The following ABCA12 variants were observed in gnomAD, a reference collection of about 807,000 sequenced individuals.
ABCA12 encodes ATP binding cassette subfamily A member 12, also known as glucosylceramide transporter ABCA12.
A neutral mutation model predicts 293.5 loss-of-function variants in ABCA12; 156 were observed. The observed-to-expected ratio is 0.53, with a 90% CI of 0.47 to 0.61. The LOEUF (loss-of-function observed/expected upper bound fraction) is 0.61. Ranked by LOEUF, ABCA12 falls within the 20% of genes least tolerant of loss-of-function variation. ABCA12 has a pLI of 0.00. For missense variants in ABCA12, 2,797 were observed against 3,090.2 expected (o/e 0.91, Z 2.25); for synonymous variants, 1,063 against 1,108.0 (o/e 0.96, Z 0.81).
At chr2:215,072,967 C>A (rs1020449620) in intron 2 of ABCA12, among the ~76,000 whole-genome samples, 9 of 152,168 alleles carry the variant, frequency 5.9e-5, no homozygotes, top group South Asian at 2.1e-4. Flanking sequence ...TGGTGGCAGG[C>A]ACCTGTAACC....
intron 2 of ABCA12, among the ~76,000 whole-genome samples, chr2:215,088,509 C>A (rs1360500038): frequency 1.3e-5 from 2 of 152,194 alleles, no homozygotes; most frequent in African/African-American, 2.4e-5. Flanking sequence ...AATATACCCA[C>A]ATTTCCTTGA....
chr2:215,037,981 C>T (rs1701024826), intron 7 of ABCA12, among the ~76,000 whole-genome samples: 1 of 152,020 alleles, frequency 6.6e-6, no homozygotes, highest in South Asian at 2.1e-4. Context: ...TCTTAGTAAA[C>T]TCAATGTGTA....
chr2:214,983,591 C>T (rs980426234), intron 29 of ABCA12, 56 bp downstream of exon 29: 6 of 1,463,932 alleles, frequency 4.1e-6, no homozygotes, highest in Non-Finnish European at 5.7e-6. Context: ...ACCAACCAAG[C>T]TATGGGTCTT....
At chr2:215,125,330 T>C (rs545136873) in intron 1 of ABCA12, among the ~76,000 whole-genome samples, 15 of 152,182 alleles carry the variant, frequency 9.9e-5, no homozygotes, top group Non-Finnish European at 1.9e-4. Context: ...TTTCTAACTC[T>C]GAAGAATGAT....
At chr2:215,011,830 G>T (rs2106002364) in intron 16 of ABCA12, 141 bp downstream of exon 16, 1 of 1,156,166 alleles carries the variant, frequency 8.6e-7, no homozygotes, top group Non-Finnish European at 1.3e-6. Flanking sequence ...GTGGCAAAAA[G>T]TGTTGCTAGG....
At chr2:215,117,193 C>A (rs947692679) in intron 1 of ABCA12, among the ~76,000 whole-genome samples, 3 of 152,162 alleles carry the variant, frequency 2.0e-5, no homozygotes, top group African/African-American at 7.2e-5. Flanking sequence ...TAAAAGATTT[C>A]TGCATTCCTT....
intron 39 of ABCA12, among the ~76,000 whole-genome samples, chr2:214,963,686 G>T (rs1559117786): frequency 6.6e-6 from 1 of 151,370 alleles, no homozygotes; most frequent in Non-Finnish European, 1.5e-5. Flanking sequence ...GCCCAAGGCG[G>T]GTGGATCACC....
In ABCA12 at chr2:214,937,556, G is replaced by T. The variant is rs747030042; in HGVS notation, c.7496C>A (p.Thr2499Asn). The T allele has an allele frequency of 1.9e-6, 3 of 1,613,942 alleles. No individual in the cohort carries two copies. Among genetic ancestry groups the T allele is most frequent in the Non-Finnish European group, 2.5e-6 (3 of 1,179,912 alleles). ...HLKNNKVTME[T>N]LTKFMQLHFP... ...GTGCAGCTGCATGAACTTTGTGAGG[G>T]TCTCCATGGTCACTTTGTTATTCTT... Residue 2499 changes from threonine (T) to asparagine (N), a missense_variant, in exon 51 of 53, where the codon ACC becomes AAC. This residue lies in a region of ABCA12 where 2,130 missense variants were observed against 2,427.0 expected (regional missense o/e 0.88). Transcript: ENST00000272895.
At chr2:215,070,045 G>A (rs753725411) in intron 2 of ABCA12, among the ~76,000 whole-genome samples, 7 of 152,186 alleles carry the variant, frequency 4.6e-5, no homozygotes, top group Admixed American at 6.5e-5. Context: ...TATGTTTATC[G>A]TTTGTAGGAC....
At chr2:215,116,944 C>T (rs1303968177) in intron 1 of ABCA12, among the ~76,000 whole-genome samples, 2 of 152,140 alleles carry the variant, frequency 1.3e-5, no homozygotes, top group Admixed American at 6.6e-5. Flanking sequence ...CTAGATGCAG[C>T]AGGTAATTCT....
intron 1 of ABCA12, among the ~76,000 whole-genome samples, chr2:215,136,471 A>G (rs956951415): frequency 1.3e-5 from 2 of 152,130 alleles, no homozygotes; most frequent in African/African-American, 2.4e-5. Context: ...TTTTTTTCCT[A>G]TAACTTTTTT....
chr2:214,981,972 A>ATTTTTTTTT (rs1559128738), intron 30 of ABCA12, among the ~76,000 whole-genome samples: 4 of 128,406 alleles, frequency 3.1e-5, no homozygotes, highest in African/African-American at 3.2e-5. Flanking sequence ...TATTATTATT[A>ATTTTTTTTT]TTATTATTAT....
chr2:215,005,048 C>A (rs1700223685), intron 19 of ABCA12, among the ~76,000 whole-genome samples: 1 of 152,112 alleles, frequency 6.6e-6, no homozygotes, highest in Non-Finnish European at 1.5e-5. Flanking sequence ...AGTACTATTA[C>A]CTAATATTTG....
Position 214,932,302 on chromosome 2 carries a change from C to A in ABCA12, c.*332G>T. 1 of 267,950 alleles carries A rather than the reference C, an allele frequency of 3.7e-6. No homozygotes were observed. The highest frequency in any genetic ancestry group is 7.2e-6 in the Non-Finnish European group (1 of 138,312). The allele number at this position is 267,950 out of a possible 1,614,324, so 16.6% of individuals were successfully genotyped here. On this transcript the variant is annotated 3_prime_UTR_variant, in exon 53 of 53. Transcript: ENST00000272895. ...CTCTTATATTTCAACTACCAAAATC[C>A]ATGCCTTTTAAACTGTCTTTTTATT...
intron 9 of ABCA12, among the ~76,000 whole-genome samples, chr2:215,031,596 C>G (rs1700878701): frequency 6.6e-6 from 1 of 152,160 alleles, no homozygotes; most frequent in Non-Finnish European, 1.5e-5. Context: ...AAGCTCAGAA[C>G]TGAAAAAGAG....
chr2:214,967,089 T>C (rs943169908), intron 38 of ABCA12, 136 bp from the exon 39 acceptor site: 1 of 800,080 alleles, frequency 1.2e-6, no homozygotes, highest in Non-Finnish European at 2.1e-6. Context: ...CTTGGAAGAT[T>C]ATGCACTGTT....
In ABCA12 at chr2:215,027,541, GAA is replaced by G. The variant is rs924693387; in HGVS notation, c.1062-605_1062-604del. Reference sequence around the variant, plus strand: ...AATTTCTAGGCACACTTACATGAAAGAAAAAGGTCACTGGGTGAGGATTGCCA... The same window carrying G: ...AATTTCTAGGCACACTTACATGAAAGAAAGGTCACTGGGTGAGGATTGCCA... On this transcript the variant is annotated intron_variant, in intron 9 of 52. Transcript: ENST00000272895. 3.4e-4 allele frequency among the ~76,000 whole-genome samples: 52 copies of G among 152,186 alleles called. 1 individual carries two copies. Among genetic ancestry groups the G allele is most frequent in the African/African-American group, 1.2e-3 (51 of 41,518 alleles).
chr2:214,951,168 A>G lies in ABCA12; in HGVS notation c.6648-85T>C, dbSNP rs1014674896. On this transcript the variant is annotated intron_variant, in intron 44 of 52. Transcript: ENST00000272895. ...ACATGTTTTGATGGGTTTTCATGTC[A>G]CTAACAGTGTACTAGTCATCATTAG... 3.4e-6 allele frequency: 4 copies of G among 1,185,250 alleles called. No homozygotes were observed. The East Asian group carries it at 7.0e-5, about 21-fold the overall frequency. The allele number at this position is 1,185,250 out of a possible 1,614,324, so 73.4% of individuals were successfully genotyped here. A position where few individuals can be genotyped will look rare whatever the true frequency, so the allele number is the denominator to read the frequency against.
At chr2:214,955,150 A>G (rs1249133742) in intron 43 of ABCA12, 52 bp downstream of exon 43, 9 of 1,588,820 alleles carry the variant, frequency 5.7e-6, no homozygotes, top group Non-Finnish European at 7.8e-6. Flanking sequence ...AAATCTTTCC[A>G]CCTGGAACAT....
Sources: allele counts gnomAD v4.1 joint callset (sites outside exome capture counted in the v4.1 genomes callset), GRCh38; gene constraint gnomAD v4.1.1; regional missense constraint gnomAD v4.1.1; transcripts MANE v1.5; gene names NCBI Gene and HGNC (gene_info 2026-07-23, HGNC 2026-07-21).